Variants in KIF11 observed in about 807,000 individuals in gnomAD.
KIF11 encodes kinesin family member 11, also known as kinesin-like protein KIF11.
A neutral mutation model predicts 121.0 loss-of-function variants in KIF11; 9 were observed. That is an observed-to-expected ratio of 0.07 (90% CI 0.04 to 0.13). The LOEUF is 0.13. Ranked by LOEUF, KIF11 falls within the 10% of genes least tolerant of loss-of-function variation. The pLI, the probability that KIF11 is intolerant of heterozygous loss-of-function variation, is 1.00. For synonymous variants in KIF11, 408 were observed against 421.0 expected, an observed-to-expected ratio of 0.97 and a Z score of 0.38; for missense variants, 846 against 1,217.5, an observed-to-expected ratio of 0.69 and a Z score of 4.54.
At chr10:92,633,048 A>G (rs1589602472) in intron 13 of KIF11, among the ~76,000 whole-genome samples, 1 of 151,804 alleles carries the variant, frequency 6.6e-6, no homozygotes, top group East Asian at 1.9e-4. Context: ...TTTTTTGTGC[A>G]TAAACATTCT....
chr10:92,632,762 T>TAA, intron 13 of KIF11, 69 bp downstream of exon 13: 1 of 981,500 alleles, frequency 1.0e-6, no homozygotes. Context: ...ACTGATAATT[T>TAA]TGTGAAACAT....
At chr10:92,615,916 T>C (rs1844549814) in intron 8 of KIF11, among the ~76,000 whole-genome samples, 1 of 151,272 alleles carries the variant, frequency 6.6e-6, no homozygotes, top group Admixed American at 6.6e-5. Context: ...TTTGACTCAC[T>C]GCAGTCTTCG....
At chr10:92,603,825 T>C (rs750332497) in intron 1 of KIF11, among the ~76,000 whole-genome samples, 5 of 152,222 alleles carry the variant, frequency 3.3e-5, no homozygotes, top group Non-Finnish European at 7.3e-5. Context: ...GCATCTAATA[T>C]ATTTATTCAT....
At position 92,650,525 on chromosome 10, in the gene KIF11, A is replaced by G. The variant is rs961367497; in HGVS notation, c.3039+8A>G. The G allele has an allele frequency of 3.5e-6, 5 of 1,424,882 alleles. No individual in the cohort carries two copies. The highest frequency in any genetic ancestry group is 5.0e-6 in the Non-Finnish European group (5 of 1,007,610). 88.3% of individuals were successfully genotyped at this position (1,424,882 alleles called of 1,614,324 possible). A position where few individuals can be genotyped will look rare whatever the true frequency, so the allele number is the denominator to read the frequency against. On this transcript the variant is annotated splice_region_variant and intron_variant, in intron 21 of 21. Coordinates refer to ENST00000260731, the MANE Select transcript of KIF11 (RefSeq NM_004523.4). Reference sequence around the variant, plus strand: ...GGGGTTCCATTTTTCCAGGTATGTCATATCAGATAACCCTTCCACATCTGA... The same window carrying G: ...GGGGTTCCATTTTTCCAGGTATGTCGTATCAGATAACCCTTCCACATCTGA...
chr10:92,622,622 G>C (rs1310876046), intron 10 of KIF11, among the ~76,000 whole-genome samples: 2 of 151,332 alleles, frequency 1.3e-5, no homozygotes, highest in Non-Finnish European at 2.9e-5. Flanking sequence ...TCTCAAAAAA[G>C]AAAAAGGAAA....
Position 92,649,845 on chromosome 10 carries a change from A to G in KIF11, c.2781A>G (p.Pro927=), listed in dbSNP as rs768399552. 1 of 1,606,916 alleles carries G rather than the reference A, an allele frequency of 6.2e-7. No individual in the cohort carries two copies. The highest frequency in any genetic ancestry group is 8.5e-7 in the Non-Finnish European group (1 of 1,174,686). Residue 927 remains proline, a synonymous_variant, in exon 20 of 22, where the codon CCA becomes CCG. Coordinates refer to ENST00000260731, the MANE Select transcript of KIF11 (RefSeq NM_004523.4). ...LKLDIPTGTT[P]QRKSYLYPST... The stretch of plus-strand genomic sequence containing the variant: ...TAATGTCCGTTAAAGGTACGACACC[A>G]CAGAGGAAAAGTTATTTATACCCAT...
intron 18 of KIF11, 73 bp downstream of exon 18, chr10:92,645,715 TAG>T: frequency 7.8e-6 from 9 of 1,160,842 alleles, no homozygotes; most frequent in Non-Finnish European, 1.1e-5. Context: ...TGGCTAAGAA[TAG>T]ATTTCAAAAC....
At chr10:92,610,325 G>C (rs2135903435) in intron 6 of KIF11, among the ~76,000 whole-genome samples, 1 of 152,240 alleles carries the variant, frequency 6.6e-6, no homozygotes, top group South Asian at 2.1e-4. Context: ...TGGGGTGAAA[G>C]GGATGATTTT....
chr10:92,615,248 T>C (rs1259887037), intron 8 of KIF11, among the ~76,000 whole-genome samples: 1 of 151,898 alleles, frequency 6.6e-6, no homozygotes, highest in Admixed American at 6.6e-5. Flanking sequence ...TACTAAAAAA[T>C]ACAAAAAATT....
At chr10:92,600,751 G>T (rs770043869) in intron 1 of KIF11, among the ~76,000 whole-genome samples, 21 of 152,046 alleles carry the variant, frequency 1.4e-4, no homozygotes, top group Non-Finnish European at 2.4e-4. Context: ...AAGTCCCCTT[G>T]GGGTTCCTGA....
At chr10:92,594,468 T>G (rs1844270145) in intron 1 of KIF11, among the ~76,000 whole-genome samples, 1 of 152,202 alleles carries the variant, frequency 6.6e-6, no homozygotes, top group Non-Finnish European at 1.5e-5. Context: ...GTTAGTTGTT[T>G]GAAGATTTTT....
intron 12 of KIF11, among the ~76,000 whole-genome samples, chr10:92,631,544 G>A (rs1232490051): frequency 6.7e-6 from 1 of 149,332 alleles, no homozygotes; most frequent in Non-Finnish European, 1.5e-5. Context: ...TGTATTTTTA[G>A]TAGAGACGGG....
At chr10:92,594,843 A>T (rs1844274687) in intron 1 of KIF11, among the ~76,000 whole-genome samples, 1 of 151,716 alleles carries the variant, frequency 6.6e-6, no homozygotes, top group African/African-American at 2.4e-5. Context: ...CTTGTGTCTA[A>T]TATTTACAAT....
chr10:92,594,838 G>A (rs2135893412), intron 1 of KIF11, among the ~76,000 whole-genome samples: 1 of 151,886 alleles, frequency 6.6e-6, no homozygotes, highest in Non-Finnish European at 1.5e-5. Context: ...CTTTGCTTGT[G>A]TCTAATATTT....
At chr10:92,612,215 A>G (rs1017015701) in intron 6 of KIF11, among the ~76,000 whole-genome samples, 6 of 151,822 alleles carry the variant, frequency 4.0e-5, no homozygotes, top group African/African-American at 1.2e-4. Flanking sequence ...GGCTTACTGC[A>G]GCCTTGACCT....
At position 92,639,890 on chromosome 10, in the gene KIF11, A is replaced by T. The variant is rs1206236536; in HGVS notation, c.2257A>T (p.Asn753Tyr). The T allele has an allele frequency of 6.5e-7, 1 of 1,546,830 alleles. No homozygotes were observed. The highest frequency in any genetic ancestry group is 1.7e-5 in the Admixed American group (1 of 58,050). ...IQKPLSSVQE[N>Y]IQQKSKDIVN... is the part of the protein sequence containing the mutation. ...GAAACCACTTAGTAGTGTCCAGGAA[A>T]ATATACAGCAGTAAGCTATTTTTAA... The change falls in exon 17 of 22, where the codon AAT becomes TAT. Residue 753 changes from asparagine (N) to tyrosine (Y), a missense_variant. By Grantham distance (143) the Asn-to-Tyr change is moderately radical. Around this residue, in one of 5 missense-constraint regions of KIF11, gnomAD observed 492 missense variants for 603.4 expected, o/e 0.82. Transcript: ENST00000260731.
chr10:92,616,701 A>G, intron 8 of KIF11, 36 bp from the exon 9 acceptor site: 1 of 1,049,860 alleles, frequency 9.5e-7, no homozygotes. Flanking sequence ...TATTCTCACA[A>G]TATCTTCAGT....
chr10:92,649,685 T>C (rs1844959375), intron 19 of KIF11, 150 bp from the exon 20 acceptor site: 2 of 548,894 alleles, frequency 3.6e-6, no homozygotes, highest in South Asian at 6.3e-5. Context: ...TTGCAAACAA[T>C]GTCTGACAGG....
intron 17 of KIF11, among the ~76,000 whole-genome samples, chr10:92,641,622 A>G (rs1404061945): frequency 6.6e-6 from 1 of 152,054 alleles, no homozygotes; most frequent in Non-Finnish European, 1.5e-5. Context: ...TTGTCTACTT[A>G]TATTTCGTTG....
Sources: gnomAD v4.1 joint callset for allele counts (sites outside exome capture counted in the v4.1 genomes callset) on GRCh38, gnomAD v4.1.1 for gene constraint, gnomAD v4.1.1 regional missense constraint, MANE v1.5 for transcripts, NCBI Gene and HGNC (gene_info 2026-07-23, HGNC 2026-07-21) for gene names.